RAPGEF1: variants seen among roughly 807,000 people sequenced by gnomAD.
RAPGEF1 encodes the protein CRK SH3-binding GNRP.
A neutral mutation model predicts 143.3 loss-of-function variants in RAPGEF1; 33 were observed. The ratio of observed to expected loss-of-function variants is 0.23; its 90% CI spans 0.17 to 0.31. The LOEUF is 0.31. Among genes scored for constraint, RAPGEF1 ranks in the 10% least tolerant of loss-of-function variants. The pLI, the probability that RAPGEF1 is intolerant of heterozygous loss-of-function variation, is 1.00. For missense variants in RAPGEF1, 1,199 were observed against 1,645.4 expected, an observed-to-expected ratio of 0.73 and a Z score of 4.69; for synonymous variants, 629 against 676.5, an observed-to-expected ratio of 0.93 and a Z score of 1.09.
rs967432348 is a variant in RAPGEF1, at chr9:131,667,726, G to A, written c.62-16777C>T. On this transcript the variant is annotated intron_variant, in intron 1 of 26. Coordinates refer to ENST00000683357, the MANE Select transcript of RAPGEF1 (RefSeq NM_001377935.1). This position sits in a 1 kb window ranked among gnomAD's most constrained non-coding sequence, Gnocchi z 4.6. ...ACGTGGCCTAGGGCAGCCTATCCAC[G>A]TATTCCCGTCCCACCCACGTCTCAG... Among the ~76,000 whole-genome samples, 1 of 152,192 alleles carries A rather than the reference G, an allele frequency of 6.6e-6. No individual in the cohort carries two copies. The highest frequency in any genetic ancestry group is 1.5e-5 in the Non-Finnish European group (1 of 68,026).
At chr9:131,648,723 C>T (rs78624869) in intron 3 of RAPGEF1, among the ~76,000 whole-genome samples, 1 of 152,224 alleles carries the variant, frequency 6.6e-6, no homozygotes, top group Admixed American at 6.5e-5. Context: ...TGTCAGTCAC[C>T]TTTCGTTAAA....
chr9:131,615,623 G>A (rs1011011679), intron 12 of RAPGEF1, among the ~76,000 whole-genome samples: 2 of 152,144 alleles, frequency 1.3e-5, no homozygotes, highest in African/African-American at 4.8e-5. Context: ...TGGGGAGACG[G>A]GAGGGCTGGC....
chr9:131,629,733 A>G (rs182133301), intron 6 of RAPGEF1, among the ~76,000 whole-genome samples: 1 of 152,064 alleles, frequency 6.6e-6, no homozygotes. Context: ...GGAGGCTGCA[A>G]TGAGCCCAGA....
intron 10 of RAPGEF1, 98 bp from the exon 11 acceptor site, chr9:131,622,096 T>A: frequency 1.7e-6 from 2 of 1,170,618 alleles, no homozygotes; most frequent in Non-Finnish European, 2.5e-6. Flanking sequence ...GGCTTTCCAC[T>A]GAAAGCACCT....
chr9:131,695,780 A>G (rs1196336649), intron 1 of RAPGEF1, among the ~76,000 whole-genome samples: 1 of 152,198 alleles, frequency 6.6e-6, no homozygotes, highest in East Asian at 1.9e-4. Flanking sequence ...AAGAACACCC[A>G]TGAATGACAT....
At position 131,628,078 on chromosome 9, in the gene RAPGEF1, A is replaced by G; in HGVS notation, c.1036T>C (p.Tyr346His). 1 of 1,552,818 alleles carries G rather than the reference A, an allele frequency of 6.4e-7. No individual in the cohort carries two copies. The change falls in exon 9 of 27, where the codon TAC (tyrosine) becomes CAC (histidine). Residue 346 changes from tyrosine (Y) to histidine (H), a missense_variant. By Grantham distance (83) the Tyr-to-His change is moderately conservative (BLOSUM62 2). This residue lies in a region of RAPGEF1 where 613 missense variants were observed against 710.9 expected (regional missense o/e 0.86). Transcript: ENST00000683357. The surrounding 1 kb of genome is among the most constrained non-coding windows in gnomAD (Gnocchi z 5.7). ...CCTCCTGACAGTCGCCTCTGTGCGTAACAGTCAACATCAAAATCCTCAAGT... is the reference window on the plus strand; with the variant it reads ...CCTCCTGACAGTCGCCTCTGTGCGTGACAGTCAACATCAAAATCCTCAAGT... ...INRQDFDVDC[Y>H]AQRRLSGGSH...
intron 5 of RAPGEF1, among the ~76,000 whole-genome samples, chr9:131,633,180 T>A (rs999700732): frequency 6.6e-6 from 1 of 152,212 alleles, no homozygotes; most frequent in Non-Finnish European, 1.5e-5. Flanking sequence ...AGTTAATATT[T>A]AAGGGACAGC....
At chr9:131,728,654 G>A (rs950852524) in intron 1 of RAPGEF1, among the ~76,000 whole-genome samples, 1 of 151,984 alleles carries the variant, frequency 6.6e-6, no homozygotes, top group Non-Finnish European at 1.5e-5. Flanking sequence ...TTCTTAGAGA[G>A]AGAAAGAGAA....
Position 131,584,254 on chromosome 9 carries a change from G to A in RAPGEF1, c.3414+57C>T. 3.4e-6 allele frequency: 5 copies of A among 1,470,954 alleles called. No individual in the cohort carries two copies. Among genetic ancestry groups the A allele is most frequent in the Non-Finnish European group, 4.7e-6 (5 of 1,071,248 alleles). 91.1% of individuals were successfully genotyped at this position (1,470,954 alleles called of 1,614,324 possible). ...CTTTCTGCCACAGCTAGTCGCCTGA[G>A]GGCTGGGCGGCCCCCCTTACCAGCC... On this transcript the variant is annotated intron_variant, in intron 24 of 26. Coordinates refer to ENST00000683357, the MANE Select transcript of RAPGEF1 (RefSeq NM_001377935.1). The surrounding 1 kb of genome is among the most constrained non-coding windows in gnomAD (Gnocchi z 6.8).
chr9:131,592,070 G>A lies in RAPGEF1; in HGVS notation c.2774+29C>T, dbSNP rs781714410. 4 of 1,543,926 alleles carry A rather than the reference G, an allele frequency of 2.6e-6. No individual in the cohort carries two copies. In the South Asian group the frequency reaches 4.5e-5, roughly 17 times the overall value. ...CTCTCTCCAAAATGCCCATGGTGCA[G>A]GGGCCCTGGGTCAGGAAGGAAAGGA... On this transcript the variant is annotated intron_variant, in intron 18 of 26. Transcript: ENST00000683357.
chr9:131,670,817 A>G (rs1398574371), intron 1 of RAPGEF1, among the ~76,000 whole-genome samples: 1 of 152,234 alleles, frequency 6.6e-6, no homozygotes, highest in East Asian at 1.9e-4. Context: ...TGATGCCTGG[A>G]ATTGCCAACA....
In RAPGEF1 at chr9:131,641,628, G is replaced by C. The variant is rs1232317196; in HGVS notation, c.494+1611C>G. 1.3e-5 allele frequency among the ~76,000 whole-genome samples: 2 copies of C among 152,228 alleles called. No individual in the cohort carries two copies. Among genetic ancestry groups the C allele is most frequent in the Non-Finnish European group, 2.9e-5 (2 of 68,044 alleles). On this transcript the variant is annotated intron_variant, in intron 4 of 26. Transcript: ENST00000683357. The surrounding 1 kb of genome is among the most constrained non-coding windows in gnomAD (Gnocchi z 4.6). Reference sequence around the variant, plus strand: ...TTCCAAGGCAGAGACTACCACATGAGACTAGGTCCACAAAAACATGTTCTA... The same window carrying C: ...TTCCAAGGCAGAGACTACCACATGACACTAGGTCCACAAAAACATGTTCTA...
chr9:131,662,911 C>T (rs528440725), intron 1 of RAPGEF1, among the ~76,000 whole-genome samples: 43 of 152,186 alleles, frequency 2.8e-4, no homozygotes, highest in African/African-American at 1.0e-3. Context: ...TCAAGTGATC[C>T]TCTTGCCTCA....
intron 1 of RAPGEF1, among the ~76,000 whole-genome samples, chr9:131,732,521 G>A (rs987037283): frequency 1.3e-5 from 2 of 152,212 alleles, no homozygotes; most frequent in Non-Finnish European, 2.9e-5. Context: ...GAACCGAGTG[G>A]CGGCTCAGCC....
intron 12 of RAPGEF1, among the ~76,000 whole-genome samples, chr9:131,613,054 C>T (rs1958283309): frequency 6.6e-6 from 1 of 152,204 alleles, no homozygotes; most frequent in Admixed American, 6.5e-5. Context: ...AGGAAAGCAG[C>T]AGCCTCCCCC....
chr9:131,693,545 C>G (rs1564173324), intron 1 of RAPGEF1, among the ~76,000 whole-genome samples: 1 of 152,134 alleles, frequency 6.6e-6, no homozygotes, highest in Admixed American at 6.5e-5. Context: ...AAAAGTAACT[C>G]TGAAACAACC....
chr9:131,730,107 T>C (rs1836935761), intron 1 of RAPGEF1, among the ~76,000 whole-genome samples: 2 of 138,072 alleles, frequency 1.4e-5, no homozygotes, highest in African/African-American at 5.5e-5. Flanking sequence ...GGCAGGAGAA[T>C]GGCGTGAACC....
At chr9:131,579,701 C>T (rs534142511) in intron 26 of RAPGEF1, 54 bp from the exon 27 acceptor site, 119 of 1,582,986 alleles carry the variant, frequency 7.5e-5, no homozygotes, top group Middle Eastern at 5.7e-4. Flanking sequence ...CTGGATGGCC[C>T]GATGGCGCCA....
In RAPGEF1 at chr9:131,579,410, A is replaced by G; in HGVS notation, c.*87T>C. 2 of 1,512,270 alleles carry G rather than the reference A, an allele frequency of 1.3e-6. No individual in the cohort carries two copies. Among genetic ancestry groups the G allele is most frequent in the Non-Finnish European group, 1.8e-6 (2 of 1,120,832 alleles). 93.7% of individuals were successfully genotyped at this position (1,512,270 alleles called of 1,614,324 possible). Reference sequence around the variant, plus strand: ...TGGCTCCGAGGCCGGGACTCCTGCCATGCGCCTAACAGGTCCAAGGTCCTC... The same window carrying G: ...TGGCTCCGAGGCCGGGACTCCTGCCGTGCGCCTAACAGGTCCAAGGTCCTC... On this transcript the variant is annotated 3_prime_UTR_variant, in exon 27 of 27. Transcript: ENST00000683357.
Sources: gnomAD v4.1 joint callset for allele counts (sites outside exome capture counted in the v4.1 genomes callset) on GRCh38, gnomAD v4.1.1 for gene constraint, gnomAD v4.1.1 regional missense constraint, Gnocchi (gnomAD v3.1) non-coding constraint, MANE v1.5 for transcripts, NCBI Gene and HGNC (gene_info 2026-07-23, HGNC 2026-07-21) for gene names.